FARS2: variants seen among roughly 807,000 people sequenced by gnomAD.
FARS2 encodes the protein phenylalanine--tRNA ligase, mitochondrial.
A neutral mutation model predicts 46.4 loss-of-function variants in FARS2; 40 were observed. That is an observed-to-expected ratio of 0.86 (90% CI 0.67 to 1.12). FARS2 has a LOEUF of 1.12. FARS2 is among the 50% of genes most tolerant of loss of function. FARS2 has a pLI of 0.00. For missense variants in FARS2, 513 were observed against 567.9 expected (o/e 0.90, Z 0.98); for synonymous variants, 234 against 214.9 (o/e 1.09, Z -0.78).
At chr6:5,686,189 C>A (rs1031477464) in intron 6 of FARS2, among the ~76,000 whole-genome samples, 4 of 150,040 alleles carry the variant, frequency 2.7e-5, no homozygotes, top group African/African-American at 9.9e-5. Context: ...AACAGTCTTT[C>A]TTTCTATGAA....
intron 5 of FARS2, among the ~76,000 whole-genome samples, chr6:5,597,572 C>T (rs1774269008): frequency 6.6e-6 from 1 of 152,212 alleles, no homozygotes. Flanking sequence ...TCCAGCAGCA[C>T]TCCAAACTCA....
At chr6:5,352,020 A>T (rs1303130420) in intron 1 of FARS2, among the ~76,000 whole-genome samples, 1 of 152,132 alleles carries the variant, frequency 6.6e-6, no homozygotes, top group Non-Finnish European at 1.5e-5. Context: ...CCCTTCATTT[A>T]TATCAGGCTT....
At chr6:5,259,494 T>C (rs1187896573), upstream of FARS2, among the ~76,000 whole-genome samples, 1 of 152,224 alleles carries the variant, frequency 6.6e-6, no homozygotes, top group Non-Finnish European at 1.5e-5. Flanking sequence ...ATTTGCAGCA[T>C]GAGTATATTT....
chr6:5,592,168 T>G (rs1339079463), intron 5 of FARS2, among the ~76,000 whole-genome samples: 1 of 152,160 alleles, frequency 6.6e-6, no homozygotes, highest in African/African-American at 2.4e-5. Flanking sequence ...GAAGACTGCT[T>G]GAGCTCAGGA....
At chr6:5,600,805 T>A (rs751587986) in intron 5 of FARS2, among the ~76,000 whole-genome samples, 2 of 152,190 alleles carry the variant, frequency 1.3e-5, no homozygotes, top group Non-Finnish European at 2.9e-5. Context: ...GGATTTGGTG[T>A]TATTTACATA....
chr6:5,710,524 G>A (rs13191825), intron 6 of FARS2, among the ~76,000 whole-genome samples: 72,271 of 152,022 alleles, frequency 0.48, 18,146 homozygotes, highest in Non-Finnish European at 0.57. Flanking sequence ...GAGGGACAGC[G>A]ATGGAGGTGA....
At chr6:5,432,149 C>T (rs1763205890) in intron 4 of FARS2, among the ~76,000 whole-genome samples, 1 of 148,914 alleles carries the variant, frequency 6.7e-6, no homozygotes, top group South Asian at 2.1e-4. Context: ...GAAACCCTGT[C>T]TCTACTGAAA....
At chr6:5,431,019 T>C (rs749799074) in intron 3 of FARS2, 22 bp from the exon 4 acceptor site, 1 of 1,611,506 alleles carries the variant, frequency 6.2e-7, no homozygotes, top group Admixed American at 1.7e-5. Flanking sequence ...ACTACTTATT[T>C]GTTTCTTTGG....
Position 5,311,653 on chromosome 6 carries a change from C to T in FARS2, c.-22+49993C>T, listed in dbSNP as rs1345148328. 1.3e-5 allele frequency among the ~76,000 whole-genome samples: 2 copies of T among 152,042 alleles called. No individual in the cohort carries two copies. The highest frequency in any genetic ancestry group is 4.8e-5 in the African/African-American group (2 of 41,402). On this transcript the variant is annotated intron_variant, in intron 1 of 6. Transcript: ENST00000274680. This position sits in a 1 kb window ranked among gnomAD's most constrained non-coding sequence, Gnocchi z 4.1. ...CCTGTTTTCTTTAGATATATGAAGC[C>T]GTCTTAAGATTGAGAGTTTCTCAGT...
intron 1 of FARS2, among the ~76,000 whole-genome samples, chr6:5,279,558 G>A (rs1399763640): frequency 2.1e-5 from 3 of 145,660 alleles, no homozygotes; most frequent in Admixed American, 1.4e-4. Context: ...AAATATAAAT[G>A]TGTGTGTGTG....
chr6:5,608,726 T>G (rs1301839051), intron 5 of FARS2, among the ~76,000 whole-genome samples: 1 of 152,092 alleles, frequency 6.6e-6, no homozygotes, highest in Non-Finnish European at 1.5e-5. Context: ...TAACCATCAG[T>G]TCACCTACAC....
chr6:5,293,834 C>T (rs886846001), intron 1 of FARS2, among the ~76,000 whole-genome samples: 3 of 152,118 alleles, frequency 2.0e-5, no homozygotes, highest in African/African-American at 7.2e-5. Flanking sequence ...GGCTGAAGGC[C>T]AAGAGCATGA....
chr6:5,300,098 G>A (rs996738650), intron 1 of FARS2, among the ~76,000 whole-genome samples: 4 of 152,068 alleles, frequency 2.6e-5, no homozygotes, highest in African/African-American at 9.7e-5. Context: ...TATCTATGAG[G>A]ACTCTGTGAG....
intron 4 of FARS2, among the ~76,000 whole-genome samples, chr6:5,506,848 A>C (rs1253746542): frequency 6.6e-6 from 1 of 152,238 alleles, no homozygotes; most frequent in Non-Finnish European, 1.5e-5. Flanking sequence ...TCTGACTATA[A>C]CAGTAAATCT....
At chr6:5,750,459 G>T (rs1218885593) in intron 6 of FARS2, among the ~76,000 whole-genome samples, 1 of 152,196 alleles carries the variant, frequency 6.6e-6, no homozygotes, top group African/African-American at 2.4e-5. Context: ...AGGAAGCTTG[G>T]TTGAGAAGGA....
chr6:5,338,110 A>C (rs1771289271), intron 1 of FARS2, among the ~76,000 whole-genome samples: 1 of 152,208 alleles, frequency 6.6e-6, no homozygotes, highest in Non-Finnish European at 1.5e-5. Context: ...ATAGAATGAA[A>C]AAATAATGAG....
At position 5,729,652 on chromosome 6, in the gene FARS2, C is replaced by T. The variant is rs115131583; in HGVS notation, c.1218-41639C>T. Among the ~76,000 whole-genome samples the T allele has an allele frequency of 6.3e-3, 951 of 152,158 alleles. 6 individuals carry two copies. Among genetic ancestry groups the T allele is most frequent in the Non-Finnish European group, 0.01 (685 of 68,030 alleles). ...AGGACTGCATCTGCCTTTCCCTCTT[C>T]TTTCCCCTTCAAGGATGGACGTGTA... On this transcript the variant is annotated intron_variant, in intron 6 of 6. Coordinates refer to ENST00000274680, the MANE Select transcript of FARS2 (RefSeq NM_006567.5).
chr6:5,444,119 GTGTGTGTA>G (rs1171266258), intron 4 of FARS2, among the ~76,000 whole-genome samples: 1 of 150,766 alleles, frequency 6.6e-6, no homozygotes, highest in African/African-American at 2.5e-5. Flanking sequence ...GTGTGTGTGT[GTGTGTGTA>G]TGTGTGCATG....
intron 4 of FARS2, among the ~76,000 whole-genome samples, chr6:5,538,149 A>C (rs1189053836): frequency 6.0e-5 from 3 of 50,130 alleles, no homozygotes; most frequent in East Asian, 7.3e-4. Flanking sequence ...GGAATGAGGC[A>C]AAAAAAAAAA....
Sources: allele counts gnomAD v4.1 joint callset (sites outside exome capture counted in the v4.1 genomes callset), GRCh38; gene constraint gnomAD v4.1.1; non-coding constraint Gnocchi (gnomAD v3.1); transcripts MANE v1.5; gene names NCBI Gene and HGNC (gene_info 2026-07-23, HGNC 2026-07-21).